The following MTF2 variants were observed in gnomAD, a reference collection of about 807,000 sequenced individuals.
MTF2 encodes the protein metal response element binding transcription factor 2, also known as metal-response element-binding transcription factor 2.
Under a neutral mutation model 79.5 loss-of-function variants are expected in MTF2, and 11 were observed. The observed-to-expected ratio is 0.14, with a 90% CI of 0.09 to 0.23. MTF2 has a LOEUF of 0.23. Among genes scored for constraint, MTF2 ranks in the 10% least tolerant of loss-of-function variants. MTF2 has a pLI of 1.00. For missense variants in MTF2, 486 were observed against 711.2 expected, an observed-to-expected ratio of 0.68 and a Z score of 3.60; for synonymous variants, 208 against 232.8, an observed-to-expected ratio of 0.89 and a Z score of 0.97.
chr1:93,098,810 A>G (rs1443822694), intron 1 of MTF2, among the ~76,000 whole-genome samples: 1 of 152,164 alleles, frequency 6.6e-6, no homozygotes, highest in Non-Finnish European at 1.5e-5. Context: ...GATACTTAAT[A>G]CCTACTGTAA....
chr1:93,114,845 T>A (rs11164874), intron 4 of MTF2, 62 bp downstream of exon 4: 212,837 of 1,365,906 alleles, frequency 0.16, 18,523 homozygotes, highest in African/African-American at 0.21. Context: ...GATTAATGAC[T>A]AAAAATACTT....
rs1480194677 is a variant in MTF2 at position 93,138,800 on chromosome 1, C to T, written c.*1773C>T. 1.3e-5 allele frequency: 2 copies of T among 152,090 alleles called. No individual in the cohort carries two copies. The highest frequency in any genetic ancestry group is 1.9e-4 in the East Asian group (1 of 5,202). 9.4% of individuals were successfully genotyped at this position (152,090 alleles called of 1,614,324 possible). Reference sequence around the variant, plus strand: ...TAGGGGTAATGAAAAATGTAAATCCCGTGTATCCTTATTCACTCCACCTGT... The same window carrying T: ...TAGGGGTAATGAAAAATGTAAATCCTGTGTATCCTTATTCACTCCACCTGT... On this transcript the variant is annotated 3_prime_UTR_variant, in exon 15 of 15. Coordinates refer to ENST00000370298, the MANE Select transcript of MTF2 (RefSeq NM_007358.4).
At chr1:93,124,342 A>G (rs1172257830) in intron 9 of MTF2, among the ~76,000 whole-genome samples, 1 of 152,088 alleles carries the variant, frequency 6.6e-6, no homozygotes, top group African/African-American at 2.4e-5. Flanking sequence ...CATCTGTTGT[A>G]TCAGATTGTT....
At chr1:93,088,574 A>AT (rs1027738108) in intron 1 of MTF2, among the ~76,000 whole-genome samples, 4 of 151,510 alleles carry the variant, frequency 2.6e-5, no homozygotes, top group Admixed American at 6.6e-5. Flanking sequence ...GTCATTTACA[A>AT]TTTTTTTTTG....
At chr1:93,113,460 A>T (rs979085441) in intron 3 of MTF2, among the ~76,000 whole-genome samples, 1 of 152,106 alleles carries the variant, frequency 6.6e-6, no homozygotes, top group Admixed American at 6.6e-5. Context: ...GCAGAAATAC[A>T]AAAGACAGAT....
At chr1:93,096,736 A>G (rs888657682) in intron 1 of MTF2, among the ~76,000 whole-genome samples, 7 of 150,906 alleles carry the variant, frequency 4.6e-5, no homozygotes, top group African/African-American at 1.2e-4. Context: ...AACTTCAAAT[A>G]CTTATTTCTG....
intron 1 of MTF2, among the ~76,000 whole-genome samples, chr1:93,085,419 C>T (rs184353222): frequency 7.5e-4 from 113 of 151,276 alleles, no homozygotes; most frequent in African/African-American, 2.2e-3. Flanking sequence ...CCTCATGATG[C>T]GCCCTTCGTG....
intron 1 of MTF2, among the ~76,000 whole-genome samples, chr1:93,083,766 T>C (rs1156915432): frequency 6.6e-6 from 1 of 152,258 alleles, no homozygotes; most frequent in African/African-American, 2.4e-5. Context: ...ATTATAACCA[T>C]CCTAGGGTTT....
intron 11 of MTF2, among the ~76,000 whole-genome samples, chr1:93,131,383 A>C (rs887993076): frequency 6.6e-6 from 1 of 152,348 alleles, no homozygotes; most frequent in Admixed American, 6.5e-5. Flanking sequence ...CCTTGATAAA[A>C]GGAATTTCTT....
chr1:93,087,526 G>A (rs1440084367), intron 1 of MTF2, among the ~76,000 whole-genome samples: 1 of 151,752 alleles, frequency 6.6e-6, no homozygotes, highest in Non-Finnish European at 1.5e-5. Flanking sequence ...GAGCGGAGAT[G>A]GTACCATTGC....
chr1:93,115,901 G>T (rs1247979829), intron 6 of MTF2, among the ~76,000 whole-genome samples: 1 of 151,984 alleles, frequency 6.6e-6, no homozygotes, highest in African/African-American at 2.4e-5. Flanking sequence ...TTTACTGCAG[G>T]GGCCCAGTAT....
chr1:93,136,675 C>T lies in MTF2; in HGVS notation c.1430C>T (p.Ser477Phe). 1 of 1,612,082 alleles carries T rather than the reference C, an allele frequency of 6.2e-7. No individual in the cohort carries two copies. ...TGGCCTTCTCTGTTACATAGATTAT[C>T]TGACTCCAGAAAAAGAACGCGTACA... ...SSSISRHYGL[S>F]DSRKRTRTGR... Residue 477 changes from serine (S) to phenylalanine (F), a missense_variant, in exon 15 of 15, where the codon TCT (serine) becomes TTT (phenylalanine). By Grantham distance (155) the Ser-to-Phe change is radical (BLOSUM62 -2). Transcript: ENST00000370298.
rs1656340337 is a variant in MTF2, at chr1:93,118,416, A to G, written c.704A>G (p.Gln235Arg). The G allele has an allele frequency of 6.2e-7, 1 of 1,602,458 alleles. No homozygotes were observed. The highest frequency in any genetic ancestry group is 1.1e-5 in the South Asian group (1 of 89,244). The change falls in exon 7 of 15, where the codon CAA (glutamine) becomes CGA (arginine). Residue 235 changes from glutamine to arginine, a missense_variant. Gln to Arg is a conservative substitution (Grantham distance 43, BLOSUM62 1). Coordinates refer to ENST00000370298, the MANE Select transcript of MTF2 (RefSeq NM_007358.4). The part of the protein sequence containing the change: ...WFHEACVQCL[Q>R]KPMLFGDRFY... Reference sequence around the variant, plus strand: ...CATGAGGCTTGTGTGCAATGCCTTCAAAAGCCAATGCTATTTGGAGACAGG... The same window carrying G: ...CATGAGGCTTGTGTGCAATGCCTTCGAAAGCCAATGCTATTTGGAGACAGG...
chr1:93,086,864 A>G (rs1004911653), intron 1 of MTF2, among the ~76,000 whole-genome samples: 14 of 152,188 alleles, frequency 9.2e-5, no homozygotes, highest in African/African-American at 3.4e-4. Flanking sequence ...TACAGGTTGA[A>G]TATCCCTTAT....
chr1:93,123,383 T>C (rs1383841815), intron 9 of MTF2, among the ~76,000 whole-genome samples: 4 of 151,790 alleles, frequency 2.6e-5, no homozygotes, highest in Non-Finnish European at 5.9e-5. Context: ...ATTCTTGTTA[T>C]ACGTAATATA....
At chr1:93,089,576 C>T (rs1356030652) in intron 1 of MTF2, among the ~76,000 whole-genome samples, 2 of 152,136 alleles carry the variant, frequency 1.3e-5, no homozygotes, top group East Asian at 3.8e-4. Context: ...AAAGATGGAG[C>T]CTCTCAAGAG....
rs534186524 is a variant in MTF2, at chr1:93,089,621, G to A, written c.5+10090G>A. 1.1e-4 allele frequency among the ~76,000 whole-genome samples: 17 copies of A among 152,120 alleles called. 1 individual carries two copies. The highest frequency in any genetic ancestry group is 2.4e-4 in the Non-Finnish European group (16 of 68,024). On this transcript the variant is annotated intron_variant, in intron 1 of 14. Coordinates refer to ENST00000370298, the MANE Select transcript of MTF2 (RefSeq NM_007358.4). ...ACAATCACAGCTCTCGTACTTCACT[G>A]TATCACGGTAGCGTTTGAACTCCTG...
Position 93,089,943 on chromosome 1 carries a change from G to A in MTF2, c.5+10412G>A, listed in dbSNP as rs571979978. Among the ~76,000 whole-genome samples, 39 of 151,566 alleles carry A rather than the reference G, an allele frequency of 2.6e-4. 1 individual carries two copies. Among genetic ancestry groups the A allele is most frequent in the Admixed American group, 1.4e-3 (21 of 15,204 alleles). On this transcript the variant is annotated intron_variant, in intron 1 of 14. Coordinates refer to ENST00000370298, the MANE Select transcript of MTF2 (RefSeq NM_007358.4). The stretch of plus-strand genomic sequence containing the variant: ...CACTGCAACCTCAGCTTCCAGAGTA[G>A]CTGGGATCTCAGGTGTGCACCACCA...
intron 10 of MTF2, among the ~76,000 whole-genome samples, chr1:93,127,638 T>C (rs940217981): frequency 2.0e-5 from 3 of 152,200 alleles, no homozygotes; most frequent in African/African-American, 7.2e-5. Flanking sequence ...GGTGGGAATA[T>C]TCAAAAGATA....
Sources: gnomAD v4.1 joint callset for allele counts (sites outside exome capture counted in the v4.1 genomes callset) on GRCh38, gnomAD v4.1.1 for gene constraint, MANE v1.5 for transcripts, NCBI Gene and HGNC (gene_info 2026-07-23, HGNC 2026-07-21) for gene names.